PTPRN2: variants seen among roughly 807,000 people sequenced by gnomAD.
The protein encoded by PTPRN2 is protein tyrosine phosphatase receptor type N2.
Under a neutral mutation model 118.8 loss-of-function variants are expected in PTPRN2, and 74 were observed. The observed-to-expected ratio is 0.62, with a 90% CI of 0.52 to 0.76. PTPRN2 has a LOEUF of 0.76. Ranked by LOEUF, PTPRN2 falls within the 30% of genes least tolerant of loss-of-function variation. The pLI, the probability that PTPRN2 is intolerant of heterozygous loss-of-function variation, is 0.00. For synonymous variants in PTPRN2, 641 were observed against 608.0 expected (o/e 1.05, Z -0.80); for missense variants, 1,481 against 1,394.4 (o/e 1.06, Z -0.99).
chr7:158,492,992 G>A (rs1821572579), intron 1 of PTPRN2, among the ~76,000 whole-genome samples: 1 of 152,222 alleles, frequency 6.6e-6, no homozygotes, highest in African/African-American at 2.4e-5. Flanking sequence ...AGCCAACAGC[G>A]GCCTGTGGGG....
At chr7:158,185,063 T>C (rs1825028583) in intron 5 of PTPRN2, among the ~76,000 whole-genome samples, 1 of 152,234 alleles carries the variant, frequency 6.6e-6, no homozygotes, top group Non-Finnish European at 1.5e-5. Context: ...AAATGTTCGA[T>C]ATACCCTGCA....
At chr7:158,506,182 C>T (rs1008201781) in intron 1 of PTPRN2, among the ~76,000 whole-genome samples, 2 of 152,154 alleles carry the variant, frequency 1.3e-5, no homozygotes, top group South Asian at 2.1e-4. Context: ...TGGGAGGCTT[C>T]GGCGTCGGAC....
chr7:158,298,629 C>T (rs758764632), intron 3 of PTPRN2, among the ~76,000 whole-genome samples: 14 of 152,084 alleles, frequency 9.2e-5, no homozygotes, highest in Non-Finnish European at 1.8e-4. Flanking sequence ...AAGGAATGGC[C>T]GAGAAACTTC....
chr7:158,071,455 TTGA>T (rs1811624676), intron 11 of PTPRN2, among the ~76,000 whole-genome samples: 6 of 72,482 alleles, frequency 8.3e-5, no homozygotes, highest in African/African-American at 1.0e-4. Context: ...GTGCTCGTGG[TTGA>T]GGTGCTCGTG....
chr7:158,341,900 G>A (rs1806907392), intron 2 of PTPRN2, among the ~76,000 whole-genome samples: 1 of 110,870 alleles, frequency 9.0e-6, no homozygotes. Flanking sequence ...CTCACCATAT[G>A]AGCTGACACC....
chr7:158,405,563 C>T (rs772119403), intron 2 of PTPRN2, among the ~76,000 whole-genome samples: 31 of 152,222 alleles, frequency 2.0e-4, no homozygotes, highest in Non-Finnish European at 2.9e-4. Flanking sequence ...TGCTAAGAAA[C>T]GGGGCATGCA....
At position 158,081,164 on chromosome 7, in the gene PTPRN2, A is replaced by T. The variant is rs374418994; in HGVS notation, c.1723+134T>A. The T allele has an allele frequency of 8.0e-5, 70 of 872,024 alleles. No individual in the cohort carries two copies. The African/African-American group carries it at 1.1e-3, about 14-fold the overall frequency. 54.0% of individuals were successfully genotyped at this position (872,024 alleles called of 1,614,324 possible). Reference sequence around the variant, plus strand: ...GCACACCAGATTTCCACGGAAACCGAGACCTTCCTCTGGGTTGCCCCATGT... The same window carrying T: ...GCACACCAGATTTCCACGGAAACCGTGACCTTCCTCTGGGTTGCCCCATGT... On this transcript the variant is annotated intron_variant, in intron 11 of 22. Transcript: ENST00000389418.
intron 12 of PTPRN2, among the ~76,000 whole-genome samples, chr7:157,760,384 T>G (rs1395801319): frequency 6.6e-6 from 1 of 151,316 alleles, no homozygotes; most frequent in Non-Finnish European, 1.5e-5. Context: ...CACGTTCAGC[T>G]CTACATGCAC....
In PTPRN2 at chr7:157,785,250, G is replaced by T. The variant is rs1405058312; in HGVS notation, c.1789-102313C>A. ...GCCCCACAGGCTTGCACCGGGGTGC[G>T]GCCTGCCCTGTCTGGGGCGCCAAGG... On this transcript the variant is annotated intron_variant, in intron 12 of 22. Transcript: ENST00000389418. The surrounding 1 kb of genome is among the most constrained non-coding windows in gnomAD (Gnocchi z 7.3). 1.3e-5 allele frequency among the ~76,000 whole-genome samples: 2 copies of T among 152,080 alleles called. No individual in the cohort carries two copies. Among genetic ancestry groups the T allele is most frequent in the Non-Finnish European group, 2.9e-5 (2 of 68,026 alleles).
At chr7:157,943,532 G>A (rs529736458) in intron 11 of PTPRN2, among the ~76,000 whole-genome samples, 3 of 151,816 alleles carry the variant, frequency 2.0e-5, no homozygotes, top group Admixed American at 6.6e-5. Context: ...TGTTGGTTCC[G>A]AGGAGGCCCT....
intron 3 of PTPRN2, among the ~76,000 whole-genome samples, chr7:158,262,998 G>A (rs1394377731): frequency 7.1e-6 from 1 of 140,042 alleles, no homozygotes; most frequent in East Asian, 2.1e-4. Flanking sequence ...CACACACATT[G>A]CACACACACA....
chr7:158,587,629 A>G lies in PTPRN2; in HGVS notation c.41T>C (p.Leu14Pro), dbSNP rs1205075532. The G allele has an allele frequency of 2.2e-6, 3 of 1,366,094 alleles. No individual in the cohort carries two copies. Among genetic ancestry groups the G allele is most frequent in the South Asian group, 1.7e-5 (1 of 58,602 alleles). 84.6% of individuals were successfully genotyped at this position (1,366,094 alleles called of 1,614,324 possible). ...GGCAGGCAGGACGCGTGGCGGCAGC[A>G]GCAGCAGTAGCAGCAGCAGCAGCGG... is the stretch of plus-strand genomic sequence containing the variant. ...PLPLLLLLLL[L>P]LPPRVLPAAP... is the part of the protein sequence containing the mutation. The change falls in exon 1 of 23, where the codon CTG becomes CCG. Residue 14 changes from leucine to proline, a missense_variant. Physicochemically the swap from Leu to Pro is moderately conservative, Grantham distance 98 (BLOSUM62 -3). Coordinates refer to ENST00000389418, the MANE Select transcript of PTPRN2 (RefSeq NM_002847.5).
rs1373335240 is a variant in PTPRN2, at chr7:158,053,689, A to AAGATGCAGAGACCCCAG, written c.1723+27592_1723+27608dup. Among the ~76,000 whole-genome samples the AAGATGCAGAGACCCCAG allele has an allele frequency of 4.9e-3, 726 of 149,510 alleles. 23 individuals are homozygous for AAGATGCAGAGACCCCAG. The highest frequency in any genetic ancestry group is 0.018 in the African/African-American group (691 of 38,996). On this transcript the variant is annotated intron_variant, in intron 11 of 22. Coordinates refer to ENST00000389418, the MANE Select transcript of PTPRN2 (RefSeq NM_002847.5). ...ATAAGCTGTGGGACAGCCGCTGCGG[A>AAGATGCAGAGACCCCAG]AGATGCAGAGACCCCAGAGATGCAG...
chr7:157,765,995 TCCAA>T (rs1028776783), intron 12 of PTPRN2, among the ~76,000 whole-genome samples: 3 of 145,666 alleles, frequency 2.1e-5, no homozygotes, highest in Admixed American at 6.8e-5. Flanking sequence ...CATCCATCCA[TCCAA>T]CCATCCATCC....
At position 157,690,870 on chromosome 7, in the gene PTPRN2, C is replaced by T. The variant is rs2150832823; in HGVS notation, c.1789-7933G>A. Reference sequence around the variant, plus strand: ...TCCGCGTGCTCCGCCCCGGCCCGGCCCCCGGGCTAGGCACGCTGGGCCGGG... The same window carrying T: ...TCCGCGTGCTCCGCCCCGGCCCGGCTCCCGGGCTAGGCACGCTGGGCCGGG... On this transcript the variant is annotated intron_variant, in intron 12 of 22. Coordinates refer to ENST00000389418, the MANE Select transcript of PTPRN2 (RefSeq NM_002847.5). This position sits in a 1 kb window ranked among gnomAD's most constrained non-coding sequence, Gnocchi z 7.1. 6.8e-6 allele frequency among the ~76,000 whole-genome samples: 1 copy of T among 146,690 alleles called. No individual in the cohort carries two copies. The highest frequency in any genetic ancestry group is 2.0e-4 in the East Asian group (1 of 5,012).
At chr7:157,662,821 T>C (rs1477439755) in intron 13 of PTPRN2, among the ~76,000 whole-genome samples, 1 of 152,190 alleles carries the variant, frequency 6.6e-6, no homozygotes, top group Non-Finnish European at 1.5e-5. Context: ...TTTTTGGACA[T>C]GGGATGTACC....
intron 6 of PTPRN2, among the ~76,000 whole-genome samples, chr7:158,164,263 A>T (rs549898992): frequency 7.1e-6 from 1 of 141,176 alleles, no homozygotes; most frequent in Non-Finnish European, 1.5e-5. Context: ...GCGTAGGAAG[A>T]GCACGCAGAG....
chr7:158,303,185 AT>A (rs1403072911), intron 3 of PTPRN2, among the ~76,000 whole-genome samples: 1 of 151,700 alleles, frequency 6.6e-6, no homozygotes, highest in African/African-American at 2.4e-5. Flanking sequence ...AAAAAAAAAA[AT>A]TCTTTGGAGT....
chr7:158,368,295 G>C (rs1437444168), intron 2 of PTPRN2, among the ~76,000 whole-genome samples: 1 of 152,160 alleles, frequency 6.6e-6, no homozygotes, highest in Non-Finnish European at 1.5e-5. Context: ...AGCTGCCACA[G>C]CTTCCCTGGG....
Sources: gnomAD v4.1 joint callset for allele counts (sites outside exome capture counted in the v4.1 genomes callset) on GRCh38, gnomAD v4.1.1 for gene constraint, Gnocchi (gnomAD v3.1) non-coding constraint, MANE v1.5 for transcripts, NCBI Gene and HGNC (gene_info 2026-07-23, HGNC 2026-07-21) for gene names.